CADPS2: variants seen among roughly 807,000 people sequenced by gnomAD.
CADPS2 encodes calcium dependent secretion activator 2.
A neutral mutation model predicts 172.5 loss-of-function variants in CADPS2; 93 were observed. The observed-to-expected ratio is 0.54, with a 90% CI of 0.46 to 0.64. The LOEUF is 0.64. CADPS2 is among the 30% of genes least tolerant of loss of function. CADPS2 has a pLI of 0.00. For synonymous variants in CADPS2, 546 were observed against 555.2 expected (o/e 0.98, Z 0.23); for missense variants, 1,420 against 1,565.9 (o/e 0.91, Z 1.57).
chr7:122,729,806 A>C (rs1023645704), intron 2 of CADPS2, among the ~76,000 whole-genome samples: 2 of 151,448 alleles, frequency 1.3e-5, no homozygotes, highest in Admixed American at 6.6e-5. Context: ...GCACCAACAT[A>C]ATCAGCTCTT....
intron 1 of CADPS2, among the ~76,000 whole-genome samples, chr7:122,747,985 T>G (rs2092789620): frequency 6.6e-6 from 1 of 152,168 alleles, no homozygotes; most frequent in East Asian, 1.9e-4. Context: ...ATCTGTCACT[T>G]GCTTATGTGG....
chr7:122,752,122 T>C (rs2092978124), intron 1 of CADPS2, among the ~76,000 whole-genome samples: 1 of 152,138 alleles, frequency 6.6e-6, no homozygotes, highest in African/African-American at 2.4e-5. Flanking sequence ...AGGATGTGAA[T>C]AAATAGAATA....
rs543747845 is a variant in CADPS2 at position 122,728,953 on chromosome 7, C to T, written c.453+8002G>A. ...TGTTAACTATAGGCACCCTACTCTG[C>T]TATCAAACATTAGAACTTTAACTGT... On this transcript the variant is annotated intron_variant, in intron 2 of 29. Transcript: ENST00000449022. Among the ~76,000 whole-genome samples, 6 of 151,908 alleles carry T rather than the reference C, an allele frequency of 3.9e-5. No homozygotes were observed. In the East Asian group the frequency reaches 1.2e-3, roughly 29 times the overall value.
intron 1 of CADPS2, among the ~76,000 whole-genome samples, chr7:122,803,312 G>C (rs1798037967): frequency 6.6e-6 from 1 of 152,158 alleles, no homozygotes; most frequent in South Asian, 2.1e-4. Flanking sequence ...TCTGTAAAGG[G>C]AAATCACAAT....
chr7:122,489,811 G>A (rs555583838), intron 11 of CADPS2, among the ~76,000 whole-genome samples: 1 of 152,040 alleles, frequency 6.6e-6, no homozygotes, highest in African/African-American at 2.4e-5. Context: ...TTTCCTTTGA[G>A]AAGTTTTGGA....
At chr7:122,645,658 G>GAGATATATATATAT (rs1554688605) in intron 3 of CADPS2, among the ~76,000 whole-genome samples, 1 of 106,656 alleles carries the variant, frequency 9.4e-6, no homozygotes, top group Non-Finnish European at 1.8e-5. Context: ...ATATCTCTAA[G>GAGATATATATATAT]ATATATATAT....
chr7:122,713,593 T>A (rs1412028759), intron 2 of CADPS2, among the ~76,000 whole-genome samples: 1 of 151,830 alleles, frequency 6.6e-6, no homozygotes, highest in East Asian at 1.9e-4. Flanking sequence ...ATCTTAACAA[T>A]TGTAAGGAAG....
In CADPS2 at chr7:122,414,212, A is replaced by G. The variant is rs1018156175; in HGVS notation, c.2581-136T>C. On this transcript the variant is annotated intron_variant, in intron 18 of 29. Transcript: ENST00000449022. Reference sequence around the variant, plus strand: ...ATAGTGATATTTATGAATAATGATTATCTCTATTTAATAAAGTCAACTTTA... The same window carrying G: ...ATAGTGATATTTATGAATAATGATTGTCTCTATTTAATAAAGTCAACTTTA... The G allele has an allele frequency of 8.6e-5, 45 of 524,100 alleles. No individual in the cohort carries two copies. The Admixed American group carries it at 1.4e-3, about 16-fold the overall frequency. 32.5% of individuals were successfully genotyped at this position (524,100 alleles called of 1,614,324 possible).
intron 7 of CADPS2, among the ~76,000 whole-genome samples, chr7:122,567,841 TAAAG>T (rs1006974036): frequency 2.0e-5 from 3 of 151,866 alleles, no homozygotes; most frequent in African/African-American, 7.3e-5. Flanking sequence ...ACTAGAATCT[TAAAG>T]AACATTCAAC....
At chr7:122,741,004 C>T (rs1445600148) in intron 1 of CADPS2, among the ~76,000 whole-genome samples, 1 of 152,132 alleles carries the variant, frequency 6.6e-6, no homozygotes, top group Non-Finnish European at 1.5e-5. Context: ...ACTACAGATA[C>T]ACCTGCACAT....
At chr7:122,385,206 A>G (rs1038611598) in intron 24 of CADPS2, among the ~76,000 whole-genome samples, 1 of 152,080 alleles carries the variant, frequency 6.6e-6, no homozygotes, top group East Asian at 1.9e-4. Context: ...GTTGTAAGTG[A>G]TCAGAGAATG....
In CADPS2 at chr7:122,615,276, G is replaced by A; in HGVS notation, c.1128C>T (p.Gly376=). The A allele has an allele frequency of 6.5e-7, 1 of 1,547,940 alleles. No individual in the cohort carries two copies. The highest frequency in any genetic ancestry group is 8.8e-7 in the Non-Finnish European group (1 of 1,142,642). ...TTCGATTGGGAGCAACTGACTTCAG[G>A]CCTTGCACTTCCATTATGACAATCT... ...TLEIVIMEVQ[G]LKSVAPNRIV... The change falls in exon 6 of 30, where the codon GGC becomes GGT. Residue 376 remains glycine (G), a synonymous_variant. Transcript: ENST00000449022.
At chr7:122,381,070 G>A (rs2042940662) in intron 24 of CADPS2, among the ~76,000 whole-genome samples, 1 of 152,074 alleles carries the variant, frequency 6.6e-6, no homozygotes, top group African/African-American at 2.4e-5. Flanking sequence ...ACATATCTGA[G>A]ACCAGCTGAA....
rs188180169 is a variant in CADPS2 at position 122,831,967 on chromosome 7, T to G, written c.339+54032A>C. ...GATGCTGTCATCCTGGTTATATGAA[T>G]GCAACATAAATTATGCTATAATATA... On this transcript the variant is annotated intron_variant, in intron 1 of 29. Coordinates refer to ENST00000449022, the MANE Select transcript of CADPS2 (RefSeq NM_017954.11). 6.4e-4 allele frequency among the ~76,000 whole-genome samples: 97 copies of G among 152,338 alleles called. 1 individual carries two copies. The highest frequency in any genetic ancestry group is 2.3e-3 in the African/African-American group (96 of 41,590).
chr7:122,781,845 T>G (rs1480661061), intron 1 of CADPS2, among the ~76,000 whole-genome samples: 2 of 152,286 alleles, frequency 1.3e-5, no homozygotes, highest in African/African-American at 4.8e-5. Flanking sequence ...ACCTTTATAA[T>G]TTTTCCATCC....
chr7:122,394,946 A>C (rs544148211), intron 20 of CADPS2, among the ~76,000 whole-genome samples: 3 of 152,214 alleles, frequency 2.0e-5, no homozygotes, highest in African/African-American at 4.8e-5. Flanking sequence ...ACTAGGGTGA[A>C]GAGGTAGAAG....
chr7:122,526,241 T>C (rs1214702443), intron 8 of CADPS2, among the ~76,000 whole-genome samples: 4 of 152,018 alleles, frequency 2.6e-5, no homozygotes, highest in African/African-American at 9.7e-5. Context: ...GCCCAGGCTG[T>C]AGTGCTATGG....
intron 20 of CADPS2, among the ~76,000 whole-genome samples, chr7:122,397,200 G>A (rs935455529): frequency 2.0e-5 from 3 of 151,996 alleles, no homozygotes; most frequent in Admixed American, 1.3e-4. Flanking sequence ...GACAGCAAAT[G>A]ATTATATCCT....
At chr7:122,750,477 G>A (rs995709439) in intron 1 of CADPS2, among the ~76,000 whole-genome samples, 1 of 151,960 alleles carries the variant, frequency 6.6e-6, no homozygotes, top group South Asian at 2.1e-4. Context: ...TCTTTGGATT[G>A]TCCTGTTTCT....
Sources: gnomAD v4.1 joint callset for allele counts (sites outside exome capture counted in the v4.1 genomes callset) on GRCh38, gnomAD v4.1.1 for gene constraint, MANE v1.5 for transcripts, NCBI Gene and HGNC (gene_info 2026-07-23, HGNC 2026-07-21) for gene names.